PDE4B: variants seen among roughly 807,000 people sequenced by gnomAD.
The protein encoded by PDE4B is 3',5'-cyclic-AMP phosphodiesterase 4B.
Under a neutral mutation model 82.2 loss-of-function variants are expected in PDE4B, and 20 were observed. The ratio of observed to expected loss-of-function variants is 0.24; its 90% CI spans 0.17 to 0.35. The LOEUF (loss-of-function observed/expected upper bound fraction) is 0.35, where lower values mean the gene tolerates loss of function less well. PDE4B is among the 10% of genes least tolerant of loss of function. The pLI is 1.00. For synonymous variants in PDE4B, 320 were observed against 318.9 expected, an observed-to-expected ratio of 1.00 and a Z score of -0.04; for missense variants, 655 against 907.2, an observed-to-expected ratio of 0.72 and a Z score of 3.57.
At chr1:66,196,307 A>G (rs1648291102) in intron 3 of PDE4B, among the ~76,000 whole-genome samples, 1 of 152,216 alleles carries the variant, frequency 6.6e-6, no homozygotes, top group Non-Finnish European at 1.5e-5. Flanking sequence ...TACTTGCTTC[A>G]TCTTTAAAAT....
At chr1:65,909,864 G>A (rs1305498232) in intron 1 of PDE4B, among the ~76,000 whole-genome samples, 3 of 152,134 alleles carry the variant, frequency 2.0e-5, no homozygotes, top group African/African-American at 7.2e-5. Context: ...CCTTACGCTA[G>A]TAGGGAGCAT....
chr1:65,886,160 T>C (rs1246899291), intron 1 of PDE4B, among the ~76,000 whole-genome samples: 1 of 151,748 alleles, frequency 6.6e-6, no homozygotes, highest in Non-Finnish European at 1.5e-5. Flanking sequence ...AACAAAAAAA[T>C]AAATTGCTGA....
At chr1:65,795,315 GT>G (rs1474015231) in intron 1 of PDE4B, among the ~76,000 whole-genome samples, 1 of 152,324 alleles carries the variant, frequency 6.6e-6, no homozygotes, top group East Asian at 1.9e-4. Flanking sequence ...GAAAGATTTG[GT>G]GGTTAGTAAT....
intron 3 of PDE4B, among the ~76,000 whole-genome samples, chr1:66,076,226 G>C (rs1180395886): frequency 6.6e-6 from 1 of 152,030 alleles, no homozygotes; most frequent in Non-Finnish European, 1.5e-5. Context: ...TCACCTTTAA[G>C]TCCATGTGTA....
intron 1 of PDE4B, among the ~76,000 whole-genome samples, chr1:65,855,841 C>T (rs911489405): frequency 6.6e-6 from 1 of 152,048 alleles, no homozygotes; most frequent in Non-Finnish European, 1.5e-5. Context: ...ATGTACAGAA[C>T]GTGGCTCTAG....
intron 3 of PDE4B, among the ~76,000 whole-genome samples, chr1:66,148,326 G>A (rs968198667): frequency 2.0e-5 from 3 of 151,838 alleles, no homozygotes; most frequent in Non-Finnish European, 4.4e-5. Context: ...AGGAACATAA[G>A]AATTTGCACT....
intron 1 of PDE4B, among the ~76,000 whole-genome samples, chr1:65,819,186 A>T (rs1470823365): frequency 6.6e-6 from 1 of 152,340 alleles, no homozygotes; most frequent in Non-Finnish European, 1.5e-5. Flanking sequence ...ATACAACAGG[A>T]TGGGTATATA....
At chr1:65,843,541 A>G (rs1165086905) in intron 1 of PDE4B, among the ~76,000 whole-genome samples, 1 of 152,196 alleles carries the variant, frequency 6.6e-6, no homozygotes, top group Non-Finnish European at 1.5e-5. Context: ...CCTATGGGAC[A>G]TGGAAGAATG....
chr1:66,283,340 G>A (rs888978602), intron 7 of PDE4B, among the ~76,000 whole-genome samples: 5 of 151,426 alleles, frequency 3.3e-5, no homozygotes, highest in African/African-American at 7.3e-5. Flanking sequence ...CATCATTGCC[G>A]TTATTGTTAC....
At chr1:65,893,785 A>G (rs932662642) in intron 1 of PDE4B, among the ~76,000 whole-genome samples, 18 of 152,132 alleles carry the variant, frequency 1.2e-4, no homozygotes, top group African/African-American at 4.3e-4. Context: ...TGTGGTATAT[A>G]TATGTATACC....
At chr1:66,060,021 C>A (rs973458020) in intron 3 of PDE4B, among the ~76,000 whole-genome samples, 2 of 152,168 alleles carry the variant, frequency 1.3e-5, no homozygotes, top group African/African-American at 2.4e-5. Context: ...TTAAGTAAGT[C>A]ATTCTGTGAA....
At chr1:65,822,017 T>C (rs546519028) in intron 1 of PDE4B, among the ~76,000 whole-genome samples, 1 of 152,318 alleles carries the variant, frequency 6.6e-6, no homozygotes, top group African/African-American at 2.4e-5. Context: ...ATTTCCTTCT[T>C]CCTCCCTTCA....
intron 7 of PDE4B, among the ~76,000 whole-genome samples, chr1:66,331,020 T>G (rs1173691979): frequency 6.6e-6 from 1 of 152,226 alleles, no homozygotes; most frequent in Non-Finnish European, 1.5e-5. Flanking sequence ...TATGAATATT[T>G]CGGGGATAAA....
chr1:65,842,265 GT>G (rs568526899), intron 1 of PDE4B, among the ~76,000 whole-genome samples: 5 of 151,620 alleles, frequency 3.3e-5, no homozygotes, highest in Admixed American at 2.6e-4. Flanking sequence ...TAAGAAAGTG[GT>G]TTTTTTTGCA....
intron 1 of PDE4B, among the ~76,000 whole-genome samples, chr1:65,842,664 A>G (rs991056130): frequency 6.6e-6 from 1 of 152,146 alleles, no homozygotes; most frequent in African/African-American, 2.4e-5. Context: ...ATATTTGCTG[A>G]ACAGATAAAT....
At chr1:65,888,661 C>T (rs764559640) in intron 1 of PDE4B, among the ~76,000 whole-genome samples, 1 of 152,032 alleles carries the variant, frequency 6.6e-6, no homozygotes, top group Non-Finnish European at 1.5e-5. Flanking sequence ...AGTTCTTTCA[C>T]TTCCTTGGTT....
chr1:66,266,086 A>G lies in PDE4B; in HGVS notation c.633A>G (p.Gln211=). ...CTCCTGTCTCCAGAGTCAACCCACA[A>G]GGTAGGCCATGTCATAAGGTCTATC... ...SQPPVSRVNP[Q]EESYQKLAME... is the part of the protein sequence containing the mutation. The change falls in exon 7 of 17, where the codon CAA becomes CAG. Residue 211 remains glutamine, a splice_region_variant and synonymous_variant. Transcript: ENST00000341517. 1 of 1,609,748 alleles carries G rather than the reference A, an allele frequency of 6.2e-7. No individual in the cohort carries two copies. The highest frequency in any genetic ancestry group is 8.5e-7 in the Non-Finnish European group (1 of 1,176,056).
chr1:65,990,090 G>T (rs17128184), intron 3 of PDE4B, among the ~76,000 whole-genome samples: 1 of 151,310 alleles, frequency 6.6e-6, no homozygotes, highest in East Asian at 1.9e-4. Context: ...ACATATTTTT[G>T]TGAACATCAC....
intron 3 of PDE4B, among the ~76,000 whole-genome samples, chr1:66,205,857 C>T (rs1321423788): frequency 6.6e-6 from 1 of 152,226 alleles, no homozygotes; most frequent in African/African-American, 2.4e-5. Context: ...TGCCCTGTTG[C>T]CTCCCCTGGC....
Sources: gnomAD v4.1 joint callset for allele counts (sites outside exome capture counted in the v4.1 genomes callset) on GRCh38, gnomAD v4.1.1 for gene constraint, MANE v1.5 for transcripts, NCBI Gene and HGNC (gene_info 2026-07-23, HGNC 2026-07-21) for gene names.